TANC2: variants seen among roughly 807,000 people sequenced by gnomAD.
The protein encoded by TANC2 is tetratricopeptide repeat, ankyrin repeat and coiled-coil containing 2.
Under a neutral mutation model 210.5 loss-of-function variants are expected in TANC2, and 26 were observed. The ratio of observed to expected loss-of-function variants is 0.12; its 90% CI spans 0.09 to 0.17. The LOEUF (loss-of-function observed/expected upper bound fraction) is 0.17. Ranked by LOEUF, TANC2 falls within the 10% of genes least tolerant of loss-of-function variation. The pLI is 1.00. For synonymous variants in TANC2, 931 were observed against 967.1 expected (o/e 0.96, Z 0.69); for missense variants, 2,129 against 2,608.9 (o/e 0.82, Z 4.01).
chr17:63,369,224 T>C (rs900661701), intron 14 of TANC2, among the ~76,000 whole-genome samples: 1 of 152,214 alleles, frequency 6.6e-6, no homozygotes, highest in Non-Finnish European at 1.5e-5. Context: ...ACAAGTTACT[T>C]TTTTGCAAAC....
At chr17:63,220,616 A>AT (rs2042145247) in intron 7 of TANC2, among the ~76,000 whole-genome samples, 1 of 149,976 alleles carries the variant, frequency 6.7e-6, no homozygotes. Flanking sequence ...TGGCAGGCGA[A>AT]TTGCTTCAAC....
chr17:63,003,986 T>G (rs1421931875), intron 1 of TANC2, among the ~76,000 whole-genome samples: 1 of 152,164 alleles, frequency 6.6e-6, no homozygotes, highest in Admixed American at 6.5e-5. Context: ...CAGACAATCA[T>G]TAACAGTGTA....
intron 14 of TANC2, among the ~76,000 whole-genome samples, chr17:63,356,601 G>A (rs184223485): frequency 1.3e-5 from 2 of 152,268 alleles, no homozygotes; most frequent in East Asian, 3.9e-4. Context: ...AAGATATTAA[G>A]CCAGGCAATA....
chr17:63,086,761 A>G (rs779953260), intron 3 of TANC2, among the ~76,000 whole-genome samples: 66 of 152,160 alleles, frequency 4.3e-4, no homozygotes, highest in Non-Finnish European at 8.5e-4. Context: ...GGTTTGTAAA[A>G]CACACCCATT....
chr17:63,016,481 T>C (rs1310319804), intron 2 of TANC2, among the ~76,000 whole-genome samples: 2 of 152,224 alleles, frequency 1.3e-5, no homozygotes, highest in African/African-American at 2.4e-5. Flanking sequence ...CTTCCTTTGA[T>C]GGGCATTTGG....
intron 1 of TANC2, among the ~76,000 whole-genome samples, chr17:62,982,106 T>A (rs895722063): frequency 1.3e-5 from 2 of 152,194 alleles, no homozygotes; most frequent in Non-Finnish European, 2.9e-5. Flanking sequence ...CAGTCTCCTA[T>A]GGGTCAAAAT....
intron 4 of TANC2, among the ~76,000 whole-genome samples, chr17:63,143,409 TA>T (rs901008163): frequency 1.5e-4 from 23 of 152,292 alleles, no homozygotes; most frequent in Non-Finnish European, 2.1e-4. Flanking sequence ...GATGAAAAAT[TA>T]AATAGGAATG....
At chr17:63,036,966 AT>A (rs1345268864) in intron 2 of TANC2, among the ~76,000 whole-genome samples, 1 of 151,362 alleles carries the variant, frequency 6.6e-6, no homozygotes, top group African/African-American at 2.4e-5. Context: ...ATATGTACTT[AT>A]GTCTTTTTTT....
intron 12 of TANC2, among the ~76,000 whole-genome samples, chr17:63,350,796 C>A (rs1001276297): frequency 1.3e-5 from 2 of 148,604 alleles, no homozygotes; most frequent in African/African-American, 5.0e-5. Context: ...CTGTTTTAGA[C>A]TTTAGACTTT....
chr17:63,191,450 C>T (rs1388667011), intron 5 of TANC2, among the ~76,000 whole-genome samples: 3 of 151,476 alleles, frequency 2.0e-5, no homozygotes, highest in South Asian at 4.2e-4. Flanking sequence ...CAGATATTCC[C>T]ACCTTTTAAA....
intron 1 of TANC2, among the ~76,000 whole-genome samples, chr17:63,001,078 C>CT (rs1024694424): frequency 3.3e-5 from 5 of 150,790 alleles, no homozygotes; most frequent in East Asian, 1.9e-4. Flanking sequence ...TTCTCCTGGT[C>CT]TTTTTTTGAC....
chr17:63,028,521 G>C (rs1236486482), intron 2 of TANC2, among the ~76,000 whole-genome samples: 1 of 152,104 alleles, frequency 6.6e-6, no homozygotes, highest in African/African-American at 2.4e-5. Context: ...AAATGGCTAG[G>C]AAGATAAGGG....
At chr17:63,032,727 C>G (rs1568332106) in intron 2 of TANC2, among the ~76,000 whole-genome samples, 1 of 152,144 alleles carries the variant, frequency 6.6e-6, no homozygotes, top group Non-Finnish European at 1.5e-5. Flanking sequence ...ACAACTTGTT[C>G]TATACTCACA....
intron 7 of TANC2, among the ~76,000 whole-genome samples, chr17:63,229,543 G>A (rs181074342): frequency 1.0e-4 from 13 of 129,544 alleles, no homozygotes; most frequent in African/African-American, 2.0e-4. Context: ...CTATAAATCC[G>A]TCTGGTCCTG....
At chr17:63,167,920 G>GAAA (rs1237000453) in intron 5 of TANC2, among the ~76,000 whole-genome samples, 3 of 133,916 alleles carry the variant, frequency 2.2e-5, no homozygotes, top group Non-Finnish European at 3.3e-5. Context: ...GAAAAGGAAA[G>GAAA]AAAAAAAGAT....
intron 7 of TANC2, among the ~76,000 whole-genome samples, chr17:63,236,600 A>T (rs2042627622): frequency 6.6e-6 from 1 of 152,090 alleles, no homozygotes; most frequent in Non-Finnish European, 1.5e-5. Context: ...TTCATCACCC[A>T]AATAATGTAC....
At chr17:63,246,515 CAG>C (rs1475399483) in intron 8 of TANC2, among the ~76,000 whole-genome samples, 1 of 152,038 alleles carries the variant, frequency 6.6e-6, no homozygotes, top group African/African-American at 2.4e-5. Context: ...CACTAATTGA[CAG>C]AGTCTATATA....
chr17:63,060,383 G>A (rs2035952860), intron 2 of TANC2, among the ~76,000 whole-genome samples: 1 of 152,228 alleles, frequency 6.6e-6, no homozygotes, highest in Admixed American at 6.5e-5. Context: ...CACTTTGGGA[G>A]GCTGAGGCAG....
chr17:63,271,993 C>T (rs1252938220), intron 9 of TANC2, among the ~76,000 whole-genome samples: 1 of 152,030 alleles, frequency 6.6e-6, no homozygotes, highest in African/African-American at 2.4e-5. Context: ...GTTGGAATTG[C>T]TTTTGGTGGC....
Sources: gnomAD v4.1 joint callset for allele counts (sites outside exome capture counted in the v4.1 genomes callset) on GRCh38, gnomAD v4.1.1 for gene constraint, MANE v1.5 for transcripts, NCBI Gene and HGNC (gene_info 2026-07-23, HGNC 2026-07-21) for gene names.